GLT8D2: variants seen among roughly 807,000 people sequenced by gnomAD.
The protein encoded by GLT8D2 is glycosyltransferase 8 domain containing 2.
GLT8D2 carries 45 observed loss-of-function variants against 44.5 expected under a neutral mutation model. The ratio of observed to expected loss-of-function variants is 1.01; its 90% CI spans 0.80 to 1.30. GLT8D2 has a LOEUF of 1.30. Ranked by LOEUF, GLT8D2 falls within the 50% of genes most tolerant of loss-of-function variation. The probability of loss-of-function intolerance (pLI) is 0.00; values close to 1 mark genes in which losing one functional copy is unlikely to be tolerated. For synonymous variants in GLT8D2, 156 were observed against 157.2 expected (o/e 0.99, Z 0.06); for missense variants, 400 against 430.4 (o/e 0.93, Z 0.62).
intron 5 of GLT8D2, among the ~76,000 whole-genome samples, chr12:104,002,292 A>G (rs924426337): frequency 3.9e-5 from 6 of 151,982 alleles, no homozygotes; most frequent in African/African-American, 1.4e-4. Flanking sequence ...GGCCATTTGT[A>G]TTTTTTTCCT....
At chr12:104,027,579 T>G (rs927355431) in intron 1 of GLT8D2, among the ~76,000 whole-genome samples, 3 of 152,242 alleles carry the variant, frequency 2.0e-5, no homozygotes, top group African/African-American at 7.2e-5. Flanking sequence ...GAATGGTGTG[T>G]GAATATGGGG....
rs1382169728 is a variant in GLT8D2 at position 103,996,677 on chromosome 12, G to T, written c.600+58C>A. On this transcript the variant is annotated intron_variant, in intron 8 of 10. Coordinates refer to ENST00000360814, the MANE Select transcript of GLT8D2 (RefSeq NM_001384711.1). Reference sequence around the variant, plus strand: ...ACACTCATTTTGACTTGCAGAGGGGGGAGAAGGGGCCAGAGTTGTAGAGTG... The same window carrying T: ...ACACTCATTTTGACTTGCAGAGGGGTGAGAAGGGGCCAGAGTTGTAGAGTG... 3.3e-6 allele frequency: 4 copies of T among 1,214,140 alleles called. No homozygotes were observed. The African/African-American group carries it at 4.5e-5, about 14-fold the overall frequency. The allele number at this position is 1,214,140 out of a possible 1,614,324, so 75.2% of individuals were successfully genotyped here.
At chr12:104,060,895 C>A (rs535386472) in intron 1 of GLT8D2, among the ~76,000 whole-genome samples, 1 of 151,930 alleles carries the variant, frequency 6.6e-6, no homozygotes, top group South Asian at 2.1e-4. Context: ...TGCACTCCAA[C>A]CTGGATGACA....
rs1873137867 is a variant in GLT8D2, at chr12:103,994,325, C to T, written c.767+10G>A. 1 of 1,597,896 alleles carries T rather than the reference C, an allele frequency of 6.3e-7. No homozygotes were observed. On this transcript the variant is annotated intron_variant, in intron 9 of 10. Transcript: ENST00000360814. ...AGCATGGAAAAAATGGTAGAGAAGC[C>T]TTCACGTACTCCACATTCTTTTGCA...
At chr12:104,040,599 C>T (rs114631724) in intron 1 of GLT8D2, among the ~76,000 whole-genome samples, 5,012 of 151,830 alleles carry the variant, frequency 0.033, 282 homozygotes, top group African/African-American at 0.12. Flanking sequence ...CTAATTTTTG[C>T]ATATTTAGTA....
chr12:104,019,548 A>G (rs898036845), intron 3 of GLT8D2, 82 bp downstream of exon 3: 3 of 1,096,246 alleles, frequency 2.7e-6, no homozygotes, highest in Non-Finnish European at 2.7e-6. Flanking sequence ...TCCAAGAAAG[A>G]AGAAAAGAGC....
chr12:104,063,922 T>G (rs114967788), intron 1 of GLT8D2: 1 of 152,446 alleles, frequency 6.6e-6, no homozygotes, highest in East Asian at 1.9e-4. Context: ...ATCTCTCCTC[T>G]GCTTAAGCCA....
At chr12:104,020,644 A>T (rs1311451567) in intron 2 of GLT8D2, among the ~76,000 whole-genome samples, 1 of 152,246 alleles carries the variant, frequency 6.6e-6, no homozygotes, top group African/African-American at 2.4e-5. Flanking sequence ...TGGGATAAAG[A>T]CGAACAAGGG....
Position 104,022,080 on chromosome 12 carries a change from A to G in GLT8D2, c.-163-589T>C, listed in dbSNP as rs2374326. Among the ~76,000 whole-genome samples the G allele has an allele frequency of 0.011, 1,449 of 134,198 alleles. 140 individuals are homozygous for G. In the East Asian group the frequency reaches 0.12, roughly 11 times the overall value. The allele number at this position is 134,198 out of a possible 152,430, so 88.0% of individuals were successfully genotyped here. On this transcript the variant is annotated intron_variant, in intron 1 of 10. Transcript: ENST00000360814. ...AGGGAAAGAAAGAAAGAAAGAAAAA[A>G]AAAGAAAGAAAGAAAGAAGAAAAGA...
intron 4 of GLT8D2, among the ~76,000 whole-genome samples, chr12:104,010,247 A>G (rs958235613): frequency 6.6e-6 from 1 of 152,042 alleles, no homozygotes; most frequent in African/African-American, 2.4e-5. Flanking sequence ...TCACTTCTCC[A>G]GCCTCACCTC....
At chr12:104,025,046 G>A (rs1184040059) in intron 1 of GLT8D2, among the ~76,000 whole-genome samples, 4 of 112,340 alleles carry the variant, frequency 3.6e-5, no homozygotes, top group African/African-American at 1.4e-4. Context: ...CTCCAGCCTA[G>A]ACAACAGAGT....
chr12:104,014,398 C>A (rs1876279798), intron 4 of GLT8D2: 1 of 620,166 alleles, frequency 1.6e-6, no homozygotes, highest in Admixed American at 2.5e-5. Context: ...AACAGTGCTT[C>A]CTGATTTTTA....
chr12:104,011,894 G>A (rs149781943), intron 4 of GLT8D2, among the ~76,000 whole-genome samples: 1 of 151,952 alleles, frequency 6.6e-6, no homozygotes, highest in Non-Finnish European at 1.5e-5. Flanking sequence ...TACCTGGGCC[G>A]GGCGCAGTGG....
upstream of GLT8D2, among the ~76,000 whole-genome samples, chr12:104,054,829 G>A (rs1882037638): frequency 1.3e-5 from 2 of 152,208 alleles, no homozygotes; most frequent in South Asian, 4.1e-4. Context: ...CAGCCATGGG[G>A]ATAAGAGGCC....
At chr12:104,037,823 T>C (rs1474076499) in intron 1 of GLT8D2, among the ~76,000 whole-genome samples, 3 of 152,066 alleles carry the variant, frequency 2.0e-5, no homozygotes, top group Non-Finnish European at 2.9e-5. Context: ...GATACCAAAG[T>C]CTGGCAGAGA....
At chr12:104,043,686 T>C (rs1222566464) in intron 1 of GLT8D2, among the ~76,000 whole-genome samples, 1 of 152,152 alleles carries the variant, frequency 6.6e-6, no homozygotes, top group Non-Finnish European at 1.5e-5. Flanking sequence ...AGGCTGTTCT[T>C]GAACTCCTGA....
intron 3 of GLT8D2, among the ~76,000 whole-genome samples, chr12:104,016,779 G>GAAGGA (rs1876808545): frequency 1.4e-5 from 1 of 72,964 alleles, no homozygotes; most frequent in South Asian, 5.2e-4. Flanking sequence ...AAGAAAGAAG[G>GAAGGA]AAGGAAGGAA....
upstream of GLT8D2, among the ~76,000 whole-genome samples, chr12:104,052,699 G>A (rs766106068): frequency 1.3e-5 from 2 of 152,098 alleles, no homozygotes; most frequent in Non-Finnish European, 2.9e-5. Context: ...TTCTCCTGGA[G>A]AGGCTTGACA....
In GLT8D2 at chr12:103,989,298, T is replaced by C. The variant is rs947872623; in HGVS notation, c.*110A>G. ...ACACAGTAGTTTTTGGTTTTTATATTGTGGATCATATGTATCAAAGGTAAT... is the reference window on the plus strand; with the variant it reads ...ACACAGTAGTTTTTGGTTTTTATATCGTGGATCATATGTATCAAAGGTAAT... On this transcript the variant is annotated 3_prime_UTR_variant, in exon 11 of 11. Transcript: ENST00000360814. 5 of 977,070 alleles carry C rather than the reference T, an allele frequency of 5.1e-6. No individual in the cohort carries two copies. The highest frequency in any genetic ancestry group is 3.3e-5 in the African/African-American group (2 of 60,828). The allele number at this position is 977,070 out of a possible 1,614,324, so 60.5% of individuals were successfully genotyped here.
Sources: allele counts gnomAD v4.1 joint callset (sites outside exome capture counted in the v4.1 genomes callset), GRCh38; gene constraint gnomAD v4.1.1; transcripts MANE v1.5; gene names NCBI Gene and HGNC (gene_info 2026-07-23, HGNC 2026-07-21).